NRDC: variants seen among roughly 807,000 people sequenced by gnomAD.
NRDC encodes nardilysin convertase.
NRDC carries 54 observed loss-of-function variants against 147.1 expected under a neutral mutation model. The observed-to-expected ratio is 0.37, with a 90% confidence interval of 0.29 to 0.46. The LOEUF is 0.46. Ranked by LOEUF, NRDC falls within the 20% of genes least tolerant of loss-of-function variation. NRDC has a pLI of 1.00. For synonymous variants in NRDC, 440 were observed against 482.1 expected (o/e 0.91, Z 1.14); for missense variants, 1,082 against 1,370.6 (o/e 0.79, Z 3.33).
intron 17 of NRDC, among the ~76,000 whole-genome samples, chr1:51,807,153 C>T (rs1329974943): frequency 6.6e-6 from 1 of 152,190 alleles, no homozygotes; most frequent in East Asian, 1.9e-4. Flanking sequence ...ACACATTCTG[C>T]TTCATTCCCT....
chr1:51,815,121 A>G (rs995248529), intron 11 of NRDC, among the ~76,000 whole-genome samples: 10 of 152,048 alleles, frequency 6.6e-5, no homozygotes, highest in African/African-American at 2.4e-4. Flanking sequence ...TTCCTTTTGA[A>G]GAGAACAGCA....
intron 9 of NRDC, among the ~76,000 whole-genome samples, chr1:51,818,870 A>T (rs1458547511): frequency 6.6e-6 from 1 of 152,246 alleles, no homozygotes; most frequent in East Asian, 1.9e-4. Flanking sequence ...ATTGTTAAGT[A>T]AATTATAATG....
chr1:51,877,470 G>T (rs1187531990), intron 1 of NRDC, among the ~76,000 whole-genome samples: 8 of 152,070 alleles, frequency 5.3e-5, no homozygotes, highest in Non-Finnish European at 1.2e-4. Flanking sequence ...AAATTAGCCT[G>T]GGCAACATCG....
At chr1:51,795,601 G>A (rs993265487) in intron 22 of NRDC, 6 of 167,760 alleles carry the variant, frequency 3.6e-5, no homozygotes, top group Non-Finnish European at 7.8e-5. Context: ...GAGAAACTGG[G>A]AAGGCATGGA....
intron 1 of NRDC, chr1:51,877,901 C>T: frequency 2.0e-6 from 1 of 507,434 alleles, no homozygotes. Flanking sequence ...TGATAATATG[C>T]CCCTTAAATA....
chr1:51,834,976 C>T (rs114126052), intron 3 of NRDC, among the ~76,000 whole-genome samples: 191 of 151,970 alleles, frequency 1.3e-3, no homozygotes, highest in African/African-American at 4.3e-3. Context: ...AAAACCAGAC[C>T]ATTAAAAAAA....
At chr1:51,801,912 C>A (rs35421326) in intron 20 of NRDC, among the ~76,000 whole-genome samples, 5 of 152,058 alleles carry the variant, frequency 3.3e-5, no homozygotes, top group African/African-American at 7.2e-5. Context: ...CTCAGCCTCC[C>A]GAGTAGCTGA....
intron 4 of NRDC, among the ~76,000 whole-genome samples, chr1:51,828,755 A>G (rs753511600): frequency 4.8e-4 from 65 of 134,304 alleles, no homozygotes; most frequent in Middle Eastern, 5.8e-3. Context: ...GTCTCACTCT[A>G]TCACTCAGGC....
At chr1:51,839,494 G>A (rs1016760509) in intron 2 of NRDC, among the ~76,000 whole-genome samples, 19 of 152,082 alleles carry the variant, frequency 1.2e-4, no homozygotes, top group Admixed American at 5.9e-4. Context: ...AACTTTTGCT[G>A]GTCAATTCCA....
At chr1:51,806,697 A>G in intron 18 of NRDC, 97 bp downstream of exon 18, 1 of 1,312,340 alleles carries the variant, frequency 7.6e-7, no homozygotes, top group Non-Finnish European at 1.1e-6. Context: ...TCCACAAAGG[A>G]AGATCAAAAT....
At chr1:51,875,801 A>C (rs1683295981) in intron 1 of NRDC, among the ~76,000 whole-genome samples, 1 of 151,904 alleles carries the variant, frequency 6.6e-6, no homozygotes, top group African/African-American at 2.4e-5. Context: ...TGATCCTCCC[A>C]ACACGGCCCC....
rs1372494865 is a variant in NRDC at position 51,789,398 on chromosome 1, A to G, written c.3294T>C (p.Asp1098=). The part of the protein sequence containing the change: ...VGYGKYELEE[D]GTPSSEDSNS... ...TTGAATCCTCACTAGAAGGGGTACC[A>G]TCCTCTTCCAGTTCATACTTCCCAT... is the stretch of plus-strand genomic sequence containing the variant. Residue 1098 remains aspartate (D), a synonymous_variant, in exon 31 of 31, where the codon GAT becomes GAC. Transcript: ENST00000352171. 2 of 1,614,168 alleles carry G rather than the reference A, an allele frequency of 1.2e-6. No individual in the cohort carries two copies. Among genetic ancestry groups the G allele is most frequent in the South Asian group, 2.2e-5 (2 of 91,084 alleles).
chr1:51,822,452 GA>G (rs1326482783), intron 7 of NRDC, among the ~76,000 whole-genome samples: 6 of 152,252 alleles, frequency 3.9e-5, no homozygotes, highest in Admixed American at 2.0e-4. Flanking sequence ...GAGGCAGGAG[GA>G]TCACCTGAGC....
rs555794618 is a variant in NRDC at position 51,814,509 on chromosome 1, C to T, written c.1619+42G>A. ...CCGGCAGCCTGAAGCCTCAAATATA[C>T]CAGGACTGGCTCCTGGCCTCATTCC... On this transcript the variant is annotated intron_variant, in intron 13 of 30. Coordinates refer to ENST00000352171, the MANE Select transcript of NRDC (RefSeq NM_001101662.2). The T allele has an allele frequency of 1.7e-4, 272 of 1,590,584 alleles. 5 individuals carry two copies. The South Asian group carries it at 2.9e-3, about 17-fold the overall frequency.
chr1:51,852,419 A>G (rs897359127), intron 1 of NRDC, among the ~76,000 whole-genome samples: 35 of 147,640 alleles, frequency 2.4e-4, no homozygotes, highest in Non-Finnish European at 4.3e-4. Flanking sequence ...TATTTAGGCC[A>G]TATTTGTGTA....
intron 14 of NRDC, among the ~76,000 whole-genome samples, chr1:51,813,667 T>C (rs751965897): frequency 6.6e-5 from 10 of 152,226 alleles, no homozygotes; most frequent in Non-Finnish European, 1.2e-4. Flanking sequence ...TCTAACATTA[T>C]ACATGGTAAA....
Position 51,861,421 on chromosome 1 carries a change from C to T in NRDC, c.341+16854G>A, listed in dbSNP as rs865905753. Reference sequence around the variant, plus strand: ...CTTGGCTCACTGCAACCTCTGCCTCCCAGGTTCAAGCAATTCTTGTGCCTC... The same window carrying T: ...CTTGGCTCACTGCAACCTCTGCCTCTCAGGTTCAAGCAATTCTTGTGCCTC... On this transcript the variant is annotated intron_variant, in intron 1 of 30. Transcript: ENST00000352171. Among the ~76,000 whole-genome samples, 58 of 149,946 alleles carry T rather than the reference C, an allele frequency of 3.9e-4. No individual in the cohort carries two copies. The Middle Eastern group carries it at 0.01, about 26-fold the overall frequency.
rs750144686 is a variant in NRDC, at chr1:51,803,864, C to T, written c.2263G>A (p.Gly755Arg). 8 of 1,613,622 alleles carry T rather than the reference C, an allele frequency of 5.0e-6. No homozygotes were observed. Among genetic ancestry groups the T allele is most frequent in the Non-Finnish European group, 1.7e-6 (2 of 1,179,830 alleles). ...VAQLEYKLVA[G>R]EHGLIIRVKG... ...ACTCGAATAATTAAACCATGTTCTC[C>T]AGCTACCAGTTTATACTCCAGCTGT... The change falls in exon 20 of 31, where the codon GGA becomes AGA. Residue 755 changes from glycine (G) to arginine (R), a missense_variant. Transcript: ENST00000352171.
Position 51,827,804 on chromosome 1 carries a change from A to G in NRDC, c.932T>C (p.Val311Ala). 6.2e-7 allele frequency: 1 copy of G among 1,613,778 alleles called. No individual in the cohort carries two copies. Among genetic ancestry groups the G allele is most frequent in the Non-Finnish European group, 8.5e-7 (1 of 1,179,718 alleles). Reference sequence around the variant, plus strand: ...TAAAGTACTCCTCTTACCACTATCAACAGCTTCAACTTCACGGTCAATTGC... The same window carrying G: ...TAAAGTACTCCTCTTACCACTATCAGCAGCTTCAACTTCACGGTCAATTGC... ...RDAIDREVEAVDSEYQLARPS... is the reference protein window; with the variant it reads ...RDAIDREVEAADSEYQLARPS... The change falls in exon 5 of 31, where the codon GTT becomes GCT. Residue 311 changes from valine (V) to alanine (A), a missense_variant. Val to Ala is a moderately conservative substitution (Grantham distance 64). This residue lies in a region of NRDC where 635 missense variants were observed against 923.8 expected (regional missense o/e 0.69). Transcript: ENST00000352171.
Sources: allele counts gnomAD v4.1 joint callset (sites outside exome capture counted in the v4.1 genomes callset), GRCh38; gene constraint gnomAD v4.1.1; regional missense constraint gnomAD v4.1.1; transcripts MANE v1.5; gene names NCBI Gene and HGNC (gene_info 2026-07-23, HGNC 2026-07-21).